The following LRCH3 variants were observed in gnomAD, a reference collection of about 807,000 sequenced individuals.
LRCH3 encodes leucine rich repeats and calponin homology domain containing 3.
A neutral mutation model predicts 104.5 loss-of-function variants in LRCH3; 68 were observed. The ratio of observed to expected loss-of-function variants is 0.65; its 90% confidence interval spans 0.54 to 0.80. The LOEUF (loss-of-function observed/expected upper bound fraction) is 0.80. Among genes scored for constraint, LRCH3 ranks in the 30% least tolerant of loss-of-function variants. The pLI is 0.00. For missense variants in LRCH3, 951 were observed against 953.9 expected (o/e 1.00, Z 0.04); for synonymous variants, 344 against 361.3 (o/e 0.95, Z 0.54).
At chr3:197,844,189 A>G (rs1738246946) in intron 10 of LRCH3, among the ~76,000 whole-genome samples, 1 of 152,178 alleles carries the variant, frequency 6.6e-6, no homozygotes, top group Non-Finnish European at 1.5e-5. Flanking sequence ...CAAATCTGGG[A>G]TGTGAGATGA....
intron 15 of LRCH3, among the ~76,000 whole-genome samples, chr3:197,863,719 G>C (rs1741142408): frequency 6.6e-6 from 1 of 151,918 alleles, no homozygotes; most frequent in South Asian, 2.1e-4. Context: ...AGTTCTTTTG[G>C]TCAATGAATT....
chr3:197,824,805 C>CAG (rs1553917922), intron 4 of LRCH3, among the ~76,000 whole-genome samples: 2 of 151,838 alleles, frequency 1.3e-5, no homozygotes, highest in African/African-American at 2.4e-5. Context: ...CTTCTGACCT[C>CAG]GTGATTCACC....
At chr3:197,867,746 T>C (rs925514733) in intron 17 of LRCH3, among the ~76,000 whole-genome samples, 3 of 152,008 alleles carry the variant, frequency 2.0e-5, no homozygotes, top group African/African-American at 7.3e-5. Context: ...TCCCAGCTAC[T>C]CGGGAGGCTG....
At chr3:197,796,162 A>C (rs956309394) in intron 1 of LRCH3, among the ~76,000 whole-genome samples, 1 of 152,222 alleles carries the variant, frequency 6.6e-6, no homozygotes, top group African/African-American at 2.4e-5. Context: ...GCATTCATTC[A>C]ACAGACATTT....
intron 1 of LRCH3, among the ~76,000 whole-genome samples, chr3:197,800,619 G>C (rs564723142): frequency 6.6e-6 from 1 of 152,186 alleles, no homozygotes; most frequent in Non-Finnish European, 1.5e-5. Flanking sequence ...ATCCAGGAAG[G>C]TTTAAAATAC....
At chr3:197,835,904 G>A in intron 9 of LRCH3, 82 bp downstream of exon 9, 1 of 1,422,390 alleles carries the variant, frequency 7.0e-7, no homozygotes, top group East Asian at 2.3e-5. Context: ...TGTTATATCA[G>A]TGATTTGTTG....
Position 197,883,497 on chromosome 3 carries a change from G to A in LRCH3, c.2209-44G>A, listed in dbSNP as rs1449091911. On this transcript the variant is annotated intron_variant, in intron 20 of 20. Transcript: ENST00000425562. The surrounding 1 kb of genome is among the most constrained non-coding windows in gnomAD (Gnocchi z 4.2). ...CCTTTCAGTTCTATGATATTCATCC[G>A]ATTTTCTTTTTTGTTTGTTTTCATG... 6 of 1,518,380 alleles carry A rather than the reference G, an allele frequency of 4.0e-6. No homozygotes were observed. The highest frequency in any genetic ancestry group is 2.8e-5 in the African/African-American group (2 of 72,258). The allele number at this position is 1,518,380 out of a possible 1,614,324, so 94.1% of individuals were successfully genotyped here. A position where few individuals can be genotyped will look rare whatever the true frequency, so the allele number is the denominator to read the frequency against.
Position 197,830,759 on chromosome 3 carries a change from CTT to C in LRCH3, c.888-8_888-7del, listed in dbSNP as rs766094514. 21 of 1,608,154 alleles carry C rather than the reference CTT, an allele frequency of 1.3e-5. No individual in the cohort carries two copies. Among genetic ancestry groups the C allele is most frequent in the Non-Finnish European group, 1.8e-5 (21 of 1,176,008 alleles). ...AACAAACTTTGCAGTAACAGAGTCT[CTT>C]TTCGGCAGCCATGAAGAACTGTACT... On this transcript the variant is annotated splice_polypyrimidine_tract_variant and intron_variant, in intron 6 of 20. Coordinates refer to ENST00000425562, the MANE Select transcript of LRCH3 (RefSeq NM_001365715.1).
chr3:197,857,595 C>T (rs1002853890), intron 14 of LRCH3, among the ~76,000 whole-genome samples: 7 of 152,230 alleles, frequency 4.6e-5, no homozygotes, highest in African/African-American at 1.7e-4. Context: ...CTGTTGCTTT[C>T]GTCTATATCA....
chr3:197,828,353 T>A (rs934944067), intron 5 of LRCH3, among the ~76,000 whole-genome samples: 4 of 152,096 alleles, frequency 2.6e-5, no homozygotes, highest in African/African-American at 7.2e-5. Flanking sequence ...TTTATTTTTT[T>A]ATTTTTTTGT....
At chr3:197,808,352 C>T (rs556558980) in intron 1 of LRCH3, among the ~76,000 whole-genome samples, 1 of 152,342 alleles carries the variant, frequency 6.6e-6, no homozygotes, top group South Asian at 2.1e-4. Context: ...TGTATCGTTT[C>T]AGCTGCCCAC....
At chr3:197,848,326 A>C in intron 12 of LRCH3, 1 of 239,278 alleles carries the variant, frequency 4.2e-6, no homozygotes, top group Non-Finnish European at 8.2e-6. Flanking sequence ...GTGAACCATA[A>C]AAGGCCCGTG....
At chr3:197,792,526 G>GCCT (rs1730646864) in intron 1 of LRCH3, among the ~76,000 whole-genome samples, 2 of 129,416 alleles carry the variant, frequency 1.5e-5, no homozygotes, top group African/African-American at 5.6e-5. Context: ...TCCCACCTCA[G>GCCT]CCTCCTGAGT....
At chr3:197,871,083 T>C (rs1236668777) in intron 18 of LRCH3, among the ~76,000 whole-genome samples, 1 of 150,658 alleles carries the variant, frequency 6.6e-6, no homozygotes, top group African/African-American at 2.4e-5. Context: ...GAATCTAGGT[T>C]TTTTTTTTTA....
intron 4 of LRCH3, among the ~76,000 whole-genome samples, chr3:197,820,894 T>G (rs749578024): frequency 6.6e-6 from 1 of 152,050 alleles, no homozygotes; most frequent in Non-Finnish European, 1.5e-5. Flanking sequence ...GTGTGTTACC[T>G]CCAGTGTTTG....
chr3:197,828,119 C>T (rs1187664280), intron 5 of LRCH3, among the ~76,000 whole-genome samples: 1 of 151,450 alleles, frequency 6.6e-6, no homozygotes, highest in African/African-American at 2.4e-5. Context: ...AAATACTCAG[C>T]TTTCAGAGCT....
At chr3:197,824,155 C>G (rs943220403) in intron 4 of LRCH3, among the ~76,000 whole-genome samples, 1 of 151,814 alleles carries the variant, frequency 6.6e-6, no homozygotes, top group African/African-American at 2.4e-5. Flanking sequence ...GCCTCCGCCT[C>G]TCGGGTTCAA....
chr3:197,826,044 GGTTA>G (rs936399099), intron 4 of LRCH3, among the ~76,000 whole-genome samples: 4 of 151,642 alleles, frequency 2.6e-5, no homozygotes, highest in African/African-American at 7.3e-5. Flanking sequence ...TCCTTTTTTT[GGTTA>G]GTTAGTTGGT....
chr3:197,872,499 G>T (rs1469703254), intron 19 of LRCH3, among the ~76,000 whole-genome samples: 4 of 151,654 alleles, frequency 2.6e-5, no homozygotes, highest in African/African-American at 9.7e-5. Context: ...GGGAGCCTGA[G>T]GCATGAGGAT....
Sources: allele counts gnomAD v4.1 joint callset (sites outside exome capture counted in the v4.1 genomes callset), GRCh38; gene constraint gnomAD v4.1.1; non-coding constraint Gnocchi (gnomAD v3.1); transcripts MANE v1.5; gene names NCBI Gene and HGNC (gene_info 2026-07-23, HGNC 2026-07-21).